The following PTPN3 variants were observed in gnomAD, a reference collection of about 807,000 sequenced individuals.
The protein encoded by PTPN3 is protein tyrosine phosphatase non-receptor type 3.
PTPN3 carries 96 observed loss-of-function variants against 132.7 expected under a neutral mutation model. That is an observed-to-expected ratio of 0.72 (90% CI 0.61 to 0.86). The LOEUF (loss-of-function observed/expected upper bound fraction) is 0.86, where lower values mean the gene tolerates loss of function less well. PTPN3 is among the 40% of genes least tolerant of loss of function. The probability of loss-of-function intolerance (pLI) is 0.00; values close to 1 mark genes in which losing one functional copy is unlikely to be tolerated. For synonymous variants in PTPN3, 398 were observed against 429.0 expected (o/e 0.93, Z 0.89); for missense variants, 1,125 against 1,159.6 (o/e 0.97, Z 0.43).
intron 1 of PTPN3, among the ~76,000 whole-genome samples, chr9:109,478,679 G>T (rs929442649): frequency 1.3e-5 from 2 of 152,106 alleles, no homozygotes; most frequent in African/African-American, 4.8e-5. Flanking sequence ...GCGCAAAATC[G>T]CCAAGTTAAC....
chr9:109,419,660 G>A (rs1842757086), intron 14 of PTPN3, among the ~76,000 whole-genome samples: 2 of 152,200 alleles, frequency 1.3e-5, no homozygotes, highest in South Asian at 4.1e-4. Context: ...ATGAGGAAGA[G>A]AAGGTCCTAT....
intron 1 of PTPN3, among the ~76,000 whole-genome samples, chr9:109,493,249 C>A (rs1165893266): frequency 6.7e-6 from 1 of 150,280 alleles, no homozygotes; most frequent in Non-Finnish European, 1.5e-5. Flanking sequence ...ATTTAAAAAA[C>A]AAACAAACAA....
At chr9:109,405,041 T>C (rs1841445457) in intron 18 of PTPN3, among the ~76,000 whole-genome samples, 2 of 152,216 alleles carry the variant, frequency 1.3e-5, no homozygotes, top group East Asian at 1.9e-4. Context: ...TCCCAAGCTT[T>C]TCCTGTGACA....
At chr9:109,485,604 T>C (rs746668242) in intron 1 of PTPN3, among the ~76,000 whole-genome samples, 5 of 152,244 alleles carry the variant, frequency 3.3e-5, no homozygotes, top group Non-Finnish European at 7.3e-5. Flanking sequence ...CTCCTGTGAC[T>C]GGCAGCACCT....
chr9:109,504,041 G>A, the PTPN3 span, among the ~76,000 whole-genome samples: 1 of 152,170 alleles, frequency 6.6e-6, no homozygotes, highest in Non-Finnish European at 1.5e-5. Context: ...GAGGGATGGG[G>A]GCAGAGAGTT....
chr9:109,502,265 T>C (rs537133929), upstream of PTPN3, among the ~76,000 whole-genome samples: 20 of 152,312 alleles, frequency 1.3e-4, 1 homozygote, highest in East Asian at 7.7e-4. Flanking sequence ...TCACTGAGGA[T>C]TGTCATTCGC....
At chr9:109,508,608 C>CA in the PTPN3 span, among the ~76,000 whole-genome samples, 1 of 152,084 alleles carries the variant, frequency 6.6e-6, no homozygotes, top group Non-Finnish European at 1.5e-5. Context: ...GTGCCCCTTA[C>CA]AAAAAAATTG....
chr9:109,454,155 A>G (rs1845437715), intron 5 of PTPN3, among the ~76,000 whole-genome samples: 1 of 152,084 alleles, frequency 6.6e-6, no homozygotes, highest in South Asian at 2.1e-4. Flanking sequence ...CATCCTGCCT[A>G]CATTGGTAGA....
chr9:109,393,382 G>GTTTTTTTTT, intron 19 of PTPN3, among the ~76,000 whole-genome samples: 1 of 132,062 alleles, frequency 7.6e-6, no homozygotes, highest in Non-Finnish European at 1.6e-5. Context: ...GGTTTTTTTT[G>GTTTTTTTTT]TCTTTTTTTT....
chr9:109,444,360 C>T (rs1045214417), intron 7 of PTPN3, among the ~76,000 whole-genome samples: 1 of 152,100 alleles, frequency 6.6e-6, no homozygotes, highest in African/African-American at 2.4e-5. Context: ...GGGAATATAC[C>T]CTCGATAAAG....
intron 18 of PTPN3, 23 bp downstream of exon 18, chr9:109,406,439 T>C (rs1564400475): frequency 1.9e-6 from 3 of 1,607,918 alleles, no homozygotes. Context: ...TCCCTATGGC[T>C]CCTCCCCCCA....
In PTPN3 at chr9:109,389,292, C is replaced by A. The variant is rs1481687336; in HGVS notation, c.2194G>T (p.Val732Phe). The change falls in exon 22 of 26, where the codon GTC becomes TTC. Residue 732 changes from valine to phenylalanine, a missense_variant. Val to Phe is a conservative substitution (Grantham distance 50, BLOSUM62 -1). Transcript: ENST00000374541. ...ATGAGTGACAACTTCTGATCCCAGA[C>A]AACCTGCCAAAACTGTGCACAGGTA... ...PHTCAQFWQV[V>F]WDQKLSLIVM... The A allele has an allele frequency of 6.2e-7, 1 of 1,614,218 alleles. No homozygotes were observed. The highest frequency in any genetic ancestry group is 8.5e-7 in the Non-Finnish European group (1 of 1,180,046).
At chr9:109,418,638 G>A (rs958946466) in intron 14 of PTPN3, among the ~76,000 whole-genome samples, 3 of 152,236 alleles carry the variant, frequency 2.0e-5, no homozygotes, top group Admixed American at 2.0e-4. Context: ...ACTTTCTGCA[G>A]TGATGGGAAT....
intron 19 of PTPN3, among the ~76,000 whole-genome samples, chr9:109,402,291 T>TAAAAAAGGAAA (rs772960445): frequency 2.0e-5 from 3 of 152,002 alleles, no homozygotes; most frequent in Non-Finnish European, 4.4e-5. Flanking sequence ...ATTTCCTTTT[T>TAAAAAAGGAAA]TTTTTATTTT....
At chr9:109,470,088 G>T (rs62576450) in intron 1 of PTPN3, among the ~76,000 whole-genome samples, 1 of 151,256 alleles carries the variant, frequency 6.6e-6, no homozygotes. Context: ...ACAGATGACC[G>T]ATCTAGAGAA....
chr9:109,482,420 T>C (rs1847003083), intron 1 of PTPN3, among the ~76,000 whole-genome samples: 1 of 152,224 alleles, frequency 6.6e-6, no homozygotes, highest in South Asian at 2.1e-4. Context: ...CGCAACTAAT[T>C]AAAACAAAGG....
the PTPN3 span, among the ~76,000 whole-genome samples, chr9:109,526,289 T>C: frequency 6.6e-6 from 1 of 151,936 alleles, no homozygotes; most frequent in African/African-American, 2.4e-5. Context: ...ATTAATTTAC[T>C]TTAAATTCAT....
the PTPN3 span, among the ~76,000 whole-genome samples, chr9:109,509,832 C>T: frequency 6.6e-6 from 1 of 151,700 alleles, no homozygotes; most frequent in Non-Finnish European, 1.5e-5. Context: ...CCAAACACAG[C>T]TTGTGCCAGT....
At chr9:109,449,170 C>T (rs748263518) in intron 5 of PTPN3, 53 of 1,142,474 alleles carry the variant, frequency 4.6e-5, no homozygotes, top group East Asian at 6.0e-5. Context: ...CTATGGGTTC[C>T]GCTGTCAGTG....
Sources: allele counts gnomAD v4.1 joint callset (sites outside exome capture counted in the v4.1 genomes callset), GRCh38; gene constraint gnomAD v4.1.1; transcripts MANE v1.5; gene names NCBI Gene and HGNC (gene_info 2026-07-23, HGNC 2026-07-21).